The following TBX20 variants were observed in gnomAD, a reference collection of about 807,000 sequenced individuals.
TBX20 encodes T-box transcription factor 20.
A neutral mutation model predicts 42.9 loss-of-function variants in TBX20; 8 were observed. The ratio of observed to expected loss-of-function variants is 0.19; its 90% CI spans 0.11 to 0.34. The LOEUF (loss-of-function observed/expected upper bound fraction) is 0.34, where lower values mean the gene tolerates loss of function less well. TBX20 is among the 10% of genes least tolerant of loss of function. The pLI is 1.00. For synonymous variants in TBX20, 198 were observed against 222.8 expected, an observed-to-expected ratio of 0.89 and a Z score of 0.99; for missense variants, 411 against 566.0, an observed-to-expected ratio of 0.73 and a Z score of 2.78.
At chr7:35,228,610 T>C (rs902988817) in intron 6 of TBX20, among the ~76,000 whole-genome samples, 2 of 152,156 alleles carry the variant, frequency 1.3e-5, no homozygotes, top group Non-Finnish European at 2.9e-5. Flanking sequence ...GTTATTTTTC[T>C]TTTCTCAGAA....
At chr7:35,221,318 C>CAAAAGA (rs1469940097) in intron 6 of TBX20, among the ~76,000 whole-genome samples, 3 of 143,592 alleles carry the variant, frequency 2.1e-5, no homozygotes, top group Non-Finnish European at 3.0e-5. Context: ...AAACAAATAT[C>CAAAAGA]AAAAGAAAAA....
At chr7:35,215,404 C>T (rs960909007) in intron 6 of TBX20, among the ~76,000 whole-genome samples, 10 of 152,040 alleles carry the variant, frequency 6.6e-5, no homozygotes, top group Middle Eastern at 3.2e-3. Flanking sequence ...TCCAGCAGAA[C>T]GAGAAGTGCA....
At chr7:35,203,537 AC>A (rs1371244502) in intron 7 of TBX20, among the ~76,000 whole-genome samples, 1 of 152,210 alleles carries the variant, frequency 6.6e-6, no homozygotes, top group African/African-American at 2.4e-5. Context: ...TTTCTTAATA[AC>A]TTTTTCTCTA....
intron 5 of TBX20, among the ~76,000 whole-genome samples, chr7:35,236,622 T>C (rs56834372): frequency 0.37 from 55,544 of 151,880 alleles, 10,447 homozygotes; most frequent in Admixed American, 0.46. Flanking sequence ...ATTGGTCTTA[T>C]GAGGTTCATA....
intron 3 of TBX20, 88 bp downstream of exon 3, chr7:35,248,589 A>T: frequency 4.7e-6 from 7 of 1,476,990 alleles, no homozygotes; most frequent in Non-Finnish European, 6.6e-6. Context: ...CTGCTTTAAA[A>T]ATACACTTGC....
intron 4 of TBX20, 33 bp downstream of exon 4, chr7:35,244,914 CAG>C: frequency 6.6e-7 from 1 of 1,517,796 alleles, no homozygotes. Flanking sequence ...CATTCTACCT[CAG>C]GGAACCTGCA....
intron 6 of TBX20, among the ~76,000 whole-genome samples, chr7:35,210,433 T>A (rs1789477502): frequency 6.6e-6 from 1 of 152,164 alleles, no homozygotes; most frequent in African/African-American, 2.4e-5. Context: ...GATAATATTT[T>A]CTAAACATCA....
intron 5 of TBX20, among the ~76,000 whole-genome samples, chr7:35,232,927 C>T (rs1291519123): frequency 1.3e-5 from 2 of 152,094 alleles, no homozygotes; most frequent in African/African-American, 4.8e-5. Flanking sequence ...GAGGCTGACA[C>T]GAGAATCACC....
chr7:35,216,562 CA>C (rs1334861865), intron 6 of TBX20, among the ~76,000 whole-genome samples: 4 of 152,086 alleles, frequency 2.6e-5, no homozygotes, highest in Non-Finnish European at 5.9e-5. Context: ...TTATAGATAA[CA>C]AAATTAAATT....
Position 35,211,227 on chromosome 7 carries a change from AATTATT to A in TBX20, c.891-6651_891-6646del, listed in dbSNP as rs1335663723. 5.3e-5 allele frequency among the ~76,000 whole-genome samples: 8 copies of A among 152,142 alleles called. No homozygotes were observed. The South Asian group carries it at 6.2e-4, about 12-fold the overall frequency. ...TTTATTTTTATATAAACTCCATTCTAATTATTATTATATTTGTTTAAAAGGTTAACT... is the reference window on the plus strand; with the variant it reads ...TTTATTTTTATATAAACTCCATTCTAATTATATTTGTTTAAAAGGTTAACT... On this transcript the variant is annotated intron_variant, in intron 6 of 7. Coordinates refer to ENST00000408931, the MANE Select transcript of TBX20 (RefSeq NM_001077653.2).
chr7:35,220,667 T>C (rs534981249), intron 6 of TBX20, among the ~76,000 whole-genome samples: 1 of 152,338 alleles, frequency 6.6e-6, no homozygotes, highest in Non-Finnish European at 1.5e-5. Flanking sequence ...CAGCTCCTAA[T>C]ATTAAACAGA....
At chr7:35,208,742 CAAAAAAAAAAAAAAAAAA>C (rs766060288) in intron 6 of TBX20, among the ~76,000 whole-genome samples, 191 of 21,118 alleles carry the variant, frequency 9.0e-3, no homozygotes, top group African/African-American at 0.038. Flanking sequence ...AACTCCGTCT[CAAAAAAAAAAAAAAAAAA>C]AAAAAAAAAA....
rs6955819 is a variant in TBX20 at position 35,211,902 on chromosome 7, G to T, written c.891-7320C>A. ...GTGCAATTTGACTATAACATAATTT[G>T]GTATTATTTCTTCATGCTTTTTGAG... On this transcript the variant is annotated intron_variant, in intron 6 of 7. Coordinates refer to ENST00000408931, the MANE Select transcript of TBX20 (RefSeq NM_001077653.2). 7.2e-3 allele frequency among the ~76,000 whole-genome samples: 1,096 copies of T among 151,966 alleles called. 19 individuals carry two copies. Among genetic ancestry groups the T allele is most frequent in the African/African-American group, 0.025 (1,031 of 41,458 alleles).
intron 6 of TBX20, among the ~76,000 whole-genome samples, chr7:35,224,701 T>C (rs1789741995): frequency 1.3e-5 from 2 of 151,764 alleles, no homozygotes; most frequent in African/African-American, 4.8e-5. Flanking sequence ...GGCAGGAATA[T>C]AAGGATGGTT....
intron 4 of TBX20, among the ~76,000 whole-genome samples, chr7:35,242,535 A>C (rs1474018304): frequency 6.6e-6 from 1 of 152,218 alleles, no homozygotes; most frequent in African/African-American, 2.4e-5. Flanking sequence ...CATATATTCT[A>C]CTGGGAAGAT....
At chr7:35,248,458 AACAT>A (rs1790236087) in intron 3 of TBX20, among the ~76,000 whole-genome samples, 2 of 152,324 alleles carry the variant, frequency 1.3e-5, no homozygotes, top group East Asian at 1.9e-4. Flanking sequence ...TGCCTAACGA[AACAT>A]AAACTTAAAG....
intron 1 of TBX20, among the ~76,000 whole-genome samples, chr7:35,251,935 A>G (rs556457783): frequency 1.3e-5 from 2 of 152,322 alleles, no homozygotes; most frequent in South Asian, 2.1e-4. Flanking sequence ...GGAGAGGGAC[A>G]TGCATTTTAT....
At chr7:35,239,752 T>C (rs116621702) in intron 5 of TBX20, among the ~76,000 whole-genome samples, 23 of 152,082 alleles carry the variant, frequency 1.5e-4, no homozygotes, top group African/African-American at 5.6e-4. Flanking sequence ...TTTTTTTTTT[T>C]AATTTTATTA....
intron 6 of TBX20, among the ~76,000 whole-genome samples, chr7:35,229,719 T>C (rs2128713278): frequency 6.6e-6 from 1 of 152,286 alleles, no homozygotes; most frequent in Non-Finnish European, 1.5e-5. Context: ...GAGTAGTTTA[T>C]TAAGACTATG....
Sources: gnomAD v4.1 joint callset for allele counts (sites outside exome capture counted in the v4.1 genomes callset) on GRCh38, gnomAD v4.1.1 for gene constraint, MANE v1.5 for transcripts, NCBI Gene and HGNC (gene_info 2026-07-23, HGNC 2026-07-21) for gene names.